Variants in KHDRBS1 observed in about 807,000 individuals in gnomAD.
The protein encoded by KHDRBS1 is KH RNA binding domain containing, signal transduction associated 1, also known as KH domain-containing, RNA-binding, signal transduction-associated protein 1.
Under a neutral mutation model 48.4 loss-of-function variants are expected in KHDRBS1, and 7 were observed. That is an observed-to-expected ratio of 0.14 (90% CI 0.08 to 0.27). The LOEUF (loss-of-function observed/expected upper bound fraction) is 0.27, where lower values mean the gene tolerates loss of function less well. KHDRBS1 is among the 10% of genes least tolerant of loss of function. KHDRBS1 has a pLI of 1.00. For missense variants in KHDRBS1, 458 were observed against 601.2 expected, an observed-to-expected ratio of 0.76 and a Z score of 2.49; for synonymous variants, 241 against 235.8, an observed-to-expected ratio of 1.02 and a Z score of -0.20.
intron 4 of KHDRBS1, among the ~76,000 whole-genome samples, chr1:32,033,578 A>G (rs1337623209): frequency 6.6e-6 from 1 of 152,138 alleles, no homozygotes; most frequent in Non-Finnish European, 1.5e-5. Context: ...TCTTGTCAGT[A>G]TCTCGGGTCC....
At chr1:32,039,874 A>AT (rs1027396473) in intron 8 of KHDRBS1, among the ~76,000 whole-genome samples, 3 of 151,392 alleles carry the variant, frequency 2.0e-5, no homozygotes, top group African/African-American at 7.3e-5. Context: ...AGCTAATGTT[A>AT]TTTTTTTTCT....
intron 1 of KHDRBS1, among the ~76,000 whole-genome samples, chr1:32,026,116 C>T (rs1638966827): frequency 6.6e-6 from 1 of 151,778 alleles, no homozygotes; most frequent in Admixed American, 6.6e-5. Context: ...TTCTGATTCT[C>T]TTTTCAACCC....
chr1:32,033,363 GA>G, intron 4 of KHDRBS1, 29 bp downstream of exon 4: 4 of 1,610,720 alleles, frequency 2.5e-6, no homozygotes, highest in Non-Finnish European at 3.4e-6. Context: ...TGTGTCTTCT[GA>G]GCAAAAGAGA....
intron 2 of KHDRBS1, among the ~76,000 whole-genome samples, chr1:32,031,255 G>A (rs60418873): frequency 1.5e-3 from 230 of 152,130 alleles, no homozygotes; most frequent in African/African-American, 4.8e-3. Context: ...TCAAAATAAA[G>A]TAAAAAATAA....
At chr1:32,022,313 A>C (rs1047334570) in intron 1 of KHDRBS1, among the ~76,000 whole-genome samples, 2 of 151,978 alleles carry the variant, frequency 1.3e-5, no homozygotes, top group African/African-American at 4.8e-5. Context: ...CATTTCTTTT[A>C]ATTCGGTTAA....
intron 1 of KHDRBS1, among the ~76,000 whole-genome samples, chr1:32,030,062 G>A (rs961629421): frequency 6.6e-6 from 1 of 152,024 alleles, no homozygotes; most frequent in Non-Finnish European, 1.5e-5. Context: ...AAATGTCTCT[G>A]TTGTCATGGC....
At chr1:32,018,512 T>C (rs1241118745) in intron 1 of KHDRBS1, among the ~76,000 whole-genome samples, 5 of 150,316 alleles carry the variant, frequency 3.3e-5, no homozygotes, top group Non-Finnish European at 7.4e-5. Flanking sequence ...TCCCAGCACG[T>C]TGGGAGGCCG....
downstream of KHDRBS1, among the ~76,000 whole-genome samples, chr1:32,048,007 C>T (rs769414559): frequency 5.1e-4 from 77 of 152,116 alleles, no homozygotes; most frequent in Non-Finnish European, 8.8e-4. Flanking sequence ...CAGGTTATAG[C>T]ATGTAACATA....
chr1:32,038,528 A>AT (rs376619352), intron 6 of KHDRBS1, 24 bp from the exon 7 acceptor site: 10 of 1,610,028 alleles, frequency 6.2e-6, no homozygotes, highest in Middle Eastern at 1.6e-4. Flanking sequence ...CTTTTATTTC[A>AT]TTTTTTTGTT....
rs755592365 is a variant in KHDRBS1, at chr1:32,014,295, G to A, written c.300G>A (p.Glu100=). 5.8e-6 allele frequency: 9 copies of A among 1,561,186 alleles called. No homozygotes were observed. The South Asian group carries it at 8.3e-5, about 14-fold the overall frequency. The change falls in exon 1 of 9, where the codon GAG becomes GAA. Residue 100 remains glutamate, a synonymous_variant. Coordinates refer to ENST00000327300, the MANE Select transcript of KHDRBS1 (RefSeq NM_006559.3). ...SATASVKMEP[E]NKYLPELMAE... ...CAGCCTCGGTCAAGATGGAGCCAGAGAACAAGTACCTGCCCGAACTCATGG... is the reference window on the plus strand; with the variant it reads ...CAGCCTCGGTCAAGATGGAGCCAGAAAACAAGTACCTGCCCGAACTCATGG...
intron 1 of KHDRBS1, among the ~76,000 whole-genome samples, chr1:32,017,600 CTTTTTTTTTTTTT>C (rs34505125): frequency 3.9e-4 from 29 of 73,820 alleles, no homozygotes; most frequent in Non-Finnish European, 5.6e-4. Flanking sequence ...TCTTTTTCTA[CTTTTTTTTTTTTT>C]TTTTTTTTTT....
chr1:32,044,909 AT>A (rs1639340145), downstream of KHDRBS1, among the ~76,000 whole-genome samples: 1 of 152,222 alleles, frequency 6.6e-6, no homozygotes, highest in Non-Finnish European at 1.5e-5. Flanking sequence ...TTAGCTGTTA[AT>A]TTTAATGTTA....
chr1:32,038,640 A>G (rs1335494505), intron 7 of KHDRBS1, 21 bp downstream of exon 7: 4 of 1,612,316 alleles, frequency 2.5e-6, no homozygotes, highest in Admixed American at 1.7e-5. Flanking sequence ...CAGTATAAGC[A>G]CTGTTTTTTG....
At chr1:32,014,480 T>G in intron 1 of KHDRBS1, 103 bp downstream of exon 1, 1 of 1,158,594 alleles carries the variant, frequency 8.6e-7, no homozygotes, top group Non-Finnish European at 1.1e-6. Flanking sequence ...ACCGAGGCAG[T>G]CGGGAGTTCC....
intron 1 of KHDRBS1, among the ~76,000 whole-genome samples, chr1:32,025,999 A>G (rs1638963683): frequency 6.6e-6 from 1 of 150,898 alleles, no homozygotes; most frequent in Non-Finnish European, 1.5e-5. Flanking sequence ...AGCTGGTCTC[A>G]AGCTCCTGGG....
intron 1 of KHDRBS1, among the ~76,000 whole-genome samples, chr1:32,019,835 G>A (rs1032411347): frequency 6.6e-5 from 10 of 152,072 alleles, no homozygotes; most frequent in African/African-American, 2.2e-4. Flanking sequence ...GCAGTGGCGC[G>A]ATCTTGGCTG....
rs181247541 is a variant in KHDRBS1 at position 32,039,183 on chromosome 1, T to C, written c.1176-332T>C. ...AATTGATTGAAAAAGAGTTCCAGAA[T>C]TCTACAGCAGTGATAAAACAGTTCT... On this transcript the variant is annotated intron_variant, in intron 7 of 8. Coordinates refer to ENST00000327300, the MANE Select transcript of KHDRBS1 (RefSeq NM_006559.3). Among the ~76,000 whole-genome samples the C allele has an allele frequency of 2.2e-3, 330 of 152,332 alleles. 2 individuals carry two copies. Among genetic ancestry groups the C allele is most frequent in the African/African-American group, 7.7e-3 (321 of 41,578 alleles).
At position 32,031,519 on chromosome 1, in the gene KHDRBS1, G is replaced by T. The variant is rs764715808; in HGVS notation, c.508-5G>T. 3 of 1,547,670 alleles carry T rather than the reference G, an allele frequency of 1.9e-6. No individual in the cohort carries two copies. Among genetic ancestry groups the T allele is most frequent in the Non-Finnish European group, 2.6e-6 (3 of 1,136,866 alleles). ...TATATTTAGAAATCCTCTATTTTCTGTCAGTTCAATTTTGTGGGGAAGATT... is the reference window on the plus strand; with the variant it reads ...TATATTTAGAAATCCTCTATTTTCTTTCAGTTCAATTTTGTGGGGAAGATT... On this transcript the variant is annotated splice_region_variant and splice_polypyrimidine_tract_variant and intron_variant, in intron 2 of 8. Coordinates refer to ENST00000327300, the MANE Select transcript of KHDRBS1 (RefSeq NM_006559.3).
intron 1 of KHDRBS1, among the ~76,000 whole-genome samples, chr1:32,019,769 TTTTGTTTG>T (rs201048538): frequency 0.034 from 5,118 of 152,104 alleles, 275 homozygotes; most frequent in African/African-American, 0.12. Flanking sequence ...GGTTTTGTTT[TTTTGTTTG>T]TTTGTTTGTT....
Sources: allele counts gnomAD v4.1 joint callset (sites outside exome capture counted in the v4.1 genomes callset), GRCh38; gene constraint gnomAD v4.1.1; transcripts MANE v1.5; gene names NCBI Gene and HGNC (gene_info 2026-07-23, HGNC 2026-07-21).